Variants in DLC1 observed in about 807,000 individuals in gnomAD.
DLC1 encodes rho GTPase-activating protein 7.
DLC1 carries 54 observed loss-of-function variants against 140.3 expected under a neutral mutation model. The ratio of observed to expected loss-of-function variants is 0.38; its 90% CI spans 0.31 to 0.48. The LOEUF (loss-of-function observed/expected upper bound fraction) is 0.48. Among genes scored for constraint, DLC1 ranks in the 20% least tolerant of loss-of-function variants. The pLI is 0.96. For synonymous variants in DLC1, 986 were observed against 728.1 expected (o/e 1.35, Z -5.70); for missense variants, 2,536 against 1,907.0 (o/e 1.33, Z -6.14).
chr8:13,280,228 C>G (rs957882748), intron 5 of DLC1, among the ~76,000 whole-genome samples: 2 of 129,860 alleles, frequency 1.5e-5, no homozygotes, highest in African/African-American at 5.9e-5. Flanking sequence ...GCGGAGTTTA[C>G]AGTGAGCCGA....
intron 5 of DLC1, among the ~76,000 whole-genome samples, chr8:13,250,776 G>A (rs1468702325): frequency 6.6e-6 from 1 of 151,546 alleles, no homozygotes; most frequent in Admixed American, 6.6e-5. Flanking sequence ...GAGAGAGAGA[G>A]AAAGAAAAAA....
chr8:13,291,263 G>A (rs1831746866), intron 5 of DLC1, among the ~76,000 whole-genome samples: 1 of 152,188 alleles, frequency 6.6e-6, no homozygotes, highest in African/African-American at 2.4e-5. Context: ...TGTAAAGACA[G>A]AGGAAAAGAA....
chr8:13,395,415 C>T lies in DLC1; in HGVS notation c.1174-1722G>A, dbSNP rs573941995. On this transcript the variant is annotated intron_variant, in intron 3 of 17. Coordinates refer to ENST00000276297, the MANE Select transcript of DLC1 (RefSeq NM_182643.3). ...GATTGCGCGCATGAGCCACCGCACC[C>T]AGCCTCTTTATAATTCTTGTCTGTC... Among the ~76,000 whole-genome samples the T allele has an allele frequency of 4.6e-5, 7 of 152,236 alleles. No homozygotes were observed. The East Asian group carries it at 1.4e-3, about 29-fold the overall frequency.
intron 5 of DLC1, among the ~76,000 whole-genome samples, chr8:13,218,982 C>CTATATAAT (rs374222304): frequency 0.34 from 16,026 of 47,582 alleles, 4,864 homozygotes; most frequent in East Asian, 0.69. Context: ...ACGTATATAA[C>CTATATAAT]TATATAATTA....
chr8:13,372,543 A>G (rs901518052), intron 4 of DLC1, among the ~76,000 whole-genome samples: 1 of 152,180 alleles, frequency 6.6e-6, no homozygotes, highest in Non-Finnish European at 1.5e-5. Context: ...AAGTGTTTGC[A>G]TTCATCACTG....
At chr8:13,197,121 TG>T (rs1827109659) in intron 5 of DLC1, among the ~76,000 whole-genome samples, 1 of 152,188 alleles carries the variant, frequency 6.6e-6, no homozygotes, top group African/African-American at 2.4e-5. Flanking sequence ...GTTTCCTACC[TG>T]GGGGTCTGAG....
intron 4 of DLC1, among the ~76,000 whole-genome samples, chr8:13,334,687 C>A (rs1833748280): frequency 6.6e-6 from 1 of 152,116 alleles, no homozygotes; most frequent in Non-Finnish European, 1.5e-5. Flanking sequence ...AGAGAAGAAT[C>A]AAAAATTCCT....
chr8:13,163,477 G>A (rs1824869832), intron 5 of DLC1, among the ~76,000 whole-genome samples: 1 of 152,150 alleles, frequency 6.6e-6, no homozygotes, highest in African/African-American at 2.4e-5. Flanking sequence ...AAATTTCAAT[G>A]AAAGGATGAA....
chr8:13,304,914 A>G (rs1832354419), intron 5 of DLC1: 1 of 1,002,234 alleles, frequency 1.0e-6, no homozygotes, highest in African/African-American at 1.7e-5. Context: ...CTACTAAGTC[A>G]TTAAGAGTAA....
At chr8:13,187,103 C>A (rs1250019971) in intron 5 of DLC1, among the ~76,000 whole-genome samples, 4 of 152,282 alleles carry the variant, frequency 2.6e-5, no homozygotes, top group African/African-American at 9.6e-5. Context: ...GGCCGTATTT[C>A]AAACGTCACT....
In DLC1 at chr8:13,460,859, A is replaced by T. The variant is rs182939069; in HGVS notation, c.1023+38190T>A. On this transcript the variant is annotated intron_variant, in intron 2 of 17. Transcript: ENST00000276297. Reference sequence around the variant, plus strand: ...TTCTGGAAACAGTTTTCTTTCCTCTATGGAGTTACAGTGGCTTATTTCACA... The same window carrying T: ...TTCTGGAAACAGTTTTCTTTCCTCTTTGGAGTTACAGTGGCTTATTTCACA... Among the ~76,000 whole-genome samples, 3 of 152,276 alleles carry T rather than the reference A, an allele frequency of 2.0e-5. 1 individual carries two copies. Among genetic ancestry groups the T allele is most frequent in the Middle Eastern group, 6.8e-3 (2 of 294 alleles).
chr8:13,563,678 G>C (rs553025719), intron 1 of DLC1, among the ~76,000 whole-genome samples: 2 of 152,080 alleles, frequency 1.3e-5, no homozygotes, highest in African/African-American at 4.8e-5. Flanking sequence ...TTAAAAATGT[G>C]CATACATTTT....
At chr8:13,352,975 C>T (rs1834744966) in intron 4 of DLC1, among the ~76,000 whole-genome samples, 2 of 152,116 alleles carry the variant, frequency 1.3e-5, no homozygotes, top group Admixed American at 1.3e-4. Flanking sequence ...AAAACACTAA[C>T]AAGCAAAGCC....
chr8:13,599,181 A>C (rs1805781847), intron 1 of DLC1, among the ~76,000 whole-genome samples: 1 of 151,922 alleles, frequency 6.6e-6, no homozygotes, highest in Admixed American at 6.6e-5. Context: ...ATGTGTGAAT[A>C]AGACAAAGGG....
At position 13,401,561 on chromosome 8, in the gene DLC1, T is replaced by G. The variant is rs528819539; in HGVS notation, c.1082A>C (p.Lys361Thr). 6.2e-7 allele frequency: 1 copy of G among 1,613,716 alleles called. No homozygotes were observed. The highest frequency in any genetic ancestry group is 2.2e-5 in the East Asian group (1 of 44,876). ...TATGTCCTGATCAAGCTGGTCCAGTTTCATAATCAGCAGCACCATGGAGTC... is the reference window on the plus strand; with the variant it reads ...TATGTCCTGATCAAGCTGGTCCAGTGTCATAATCAGCAGCACCATGGAGTC... ...RLDSMVLLIM[K>T]LDQLDQDIEN... The change falls in exon 3 of 18, where the codon AAA becomes ACA. Residue 361 changes from lysine to threonine, a missense_variant. Transcript: ENST00000276297.
chr8:13,251,662 T>C (rs1586006943), intron 5 of DLC1, among the ~76,000 whole-genome samples: 1 of 152,058 alleles, frequency 6.6e-6, no homozygotes, highest in South Asian at 2.1e-4. Context: ...TCTTGTCAGC[T>C]GTGGGGTCAT....
rs765351913 is a variant in DLC1 at position 13,088,664 on chromosome 8, A to G, written c.4115T>C (p.Ile1372Thr). The G allele has an allele frequency of 1.3e-5, 21 of 1,614,168 alleles. No individual in the cohort carries two copies. Among genetic ancestry groups the G allele is most frequent in the East Asian group, 6.7e-5 (3 of 44,880 alleles). ...GPPLRLWRSV[I>T]EVPAVPEEIL... ...TTCCTCTGGCACAGCAGGGACTTCA[A>G]TGACTGACCTCCAAAGCCTCAGAGG... is the stretch of plus-strand genomic sequence containing the variant. Residue 1372 changes from isoleucine to threonine, a missense_variant, in exon 16 of 18, where the codon ATT (isoleucine) becomes ACT (threonine). Transcript: ENST00000276297.
Position 13,465,776 on chromosome 8 carries a change from G to A in DLC1, c.1023+33273C>T, listed in dbSNP as rs139282501. ...ATCTTTTCTAAGAAATAACTTTTTA[G>A]TATTCTTTCTATGTTATTTATGAAC... On this transcript the variant is annotated intron_variant, in intron 2 of 17. Transcript: ENST00000276297. Among the ~76,000 whole-genome samples, 61 of 152,080 alleles carry A rather than the reference G, an allele frequency of 4.0e-4. 1 individual carries two copies. In the East Asian group the frequency reaches 0.012, roughly 29 times the overall value.
chr8:13,397,022 T>G lies in DLC1; in HGVS notation c.1174-3329A>C, dbSNP rs1465875623. Among the ~76,000 whole-genome samples the G allele has an allele frequency of 2.0e-5, 3 of 150,888 alleles. No homozygotes were observed. The East Asian group carries it at 6.0e-4, about 30-fold the overall frequency. On this transcript the variant is annotated intron_variant, in intron 3 of 17. Coordinates refer to ENST00000276297, the MANE Select transcript of DLC1 (RefSeq NM_182643.3). The stretch of plus-strand genomic sequence containing the variant: ...GACTCCATCTATCAGTGTTACCCTA[T>G]GCCTCCAGTTATGCCATTCTTTGGG...
Sources: gnomAD v4.1 joint callset for allele counts (sites outside exome capture counted in the v4.1 genomes callset) on GRCh38, gnomAD v4.1.1 for gene constraint, MANE v1.5 for transcripts, NCBI Gene and HGNC (gene_info 2026-07-23, HGNC 2026-07-21) for gene names.